Variants in ARFGEF3 observed in about 807,000 individuals in gnomAD.
The protein encoded by ARFGEF3 is brefeldin A-inhibited guanine nucleotide-exchange protein 3.
ARFGEF3 carries 96 observed loss-of-function variants against 221.7 expected under a neutral mutation model. The ratio of observed to expected loss-of-function variants is 0.43; its 90% confidence interval spans 0.37 to 0.51. The LOEUF is 0.51. Ranked by LOEUF, ARFGEF3 falls within the 20% of genes least tolerant of loss-of-function variation. The pLI is 0.00. For missense variants in ARFGEF3, 2,410 were observed against 2,789.9 expected, an observed-to-expected ratio of 0.86 and a Z score of 3.07; for synonymous variants, 1,145 against 1,126.8, an observed-to-expected ratio of 1.02 and a Z score of -0.32.
chr6:138,313,337 A>G (rs1018867655), intron 25 of ARFGEF3, among the ~76,000 whole-genome samples: 14 of 152,012 alleles, frequency 9.2e-5, no homozygotes, highest in Non-Finnish European at 1.9e-4. Flanking sequence ...AGCCTCCTTC[A>G]TTTCTCCAAC....
At position 138,341,975 on chromosome 6, in the gene ARFGEF3, G is replaced by A. The variant is rs1277846220; in HGVS notation, c.*5489G>A. The A allele has an allele frequency of 6.6e-6, 1 of 152,138 alleles. No individual in the cohort carries two copies. The highest frequency in any genetic ancestry group is 1.5e-5 in the Non-Finnish European group (1 of 68,028). The allele number at this position is 152,138 out of a possible 1,614,324, so 9.4% of individuals were successfully genotyped here. A position where few individuals can be genotyped will look rare whatever the true frequency, so the allele number is the denominator to read the frequency against. Reference sequence around the variant, plus strand: ...AAGGGGTACCAGGGAGGAGAGAGTGGCTGACCACTTTAGTGACAAAACAGC... The same window carrying A: ...AAGGGGTACCAGGGAGGAGAGAGTGACTGACCACTTTAGTGACAAAACAGC... On this transcript the variant is annotated 3_prime_UTR_variant, in exon 34 of 34. Coordinates refer to ENST00000251691, the MANE Select transcript of ARFGEF3 (RefSeq NM_020340.5).
intron 2 of ARFGEF3, among the ~76,000 whole-genome samples, chr6:138,176,608 T>C (rs556704158): frequency 2.1e-4 from 32 of 152,322 alleles, no homozygotes; most frequent in African/African-American, 7.7e-4. Flanking sequence ...TTTAGATTCT[T>C]TGTTTTTTTC....
At chr6:138,289,436 A>T (rs529566361) in intron 17 of ARFGEF3, among the ~76,000 whole-genome samples, 1 of 152,366 alleles carries the variant, frequency 6.6e-6, no homozygotes, top group South Asian at 2.1e-4. Flanking sequence ...AACTTGCAGA[A>T]AGCCAGGAAT....
intron 17 of ARFGEF3, among the ~76,000 whole-genome samples, chr6:138,288,888 G>C (rs1369953672): frequency 6.6e-6 from 1 of 152,166 alleles, no homozygotes; most frequent in Non-Finnish European, 1.5e-5. Context: ...GTTTGGCCTT[G>C]CCTTAGCATT....
chr6:138,207,466 C>G (rs967321633), intron 3 of ARFGEF3, among the ~76,000 whole-genome samples: 2 of 152,146 alleles, frequency 1.3e-5, no homozygotes, highest in African/African-American at 2.4e-5. Context: ...ATCTTGTATA[C>G]TTTCAACATC....
Position 138,278,433 on chromosome 6 carries a change from C to T in ARFGEF3, c.2129-18C>T, listed in dbSNP as rs1779136830. ...ACACTGTTCACACCCCCAAAAGTCC[C>T]TTCATTGTCTCCCTTAGGCATGATG... On this transcript the variant is annotated intron_variant, in intron 12 of 33. Coordinates refer to ENST00000251691, the MANE Select transcript of ARFGEF3 (RefSeq NM_020340.5). The T allele has an allele frequency of 6.2e-7, 1 of 1,612,044 alleles. No individual in the cohort carries two copies. Among genetic ancestry groups the T allele is most frequent in the East Asian group, 2.2e-5 (1 of 44,860 alleles).
At chr6:138,315,610 G>A (rs931830969) in intron 26 of ARFGEF3, among the ~76,000 whole-genome samples, 1 of 152,150 alleles carries the variant, frequency 6.6e-6, no homozygotes, top group Non-Finnish European at 1.5e-5. Flanking sequence ...CCAACACTTT[G>A]GGAGGCCGAG....
chr6:138,170,570 C>G (rs1776808261), intron 1 of ARFGEF3, 92 bp from the exon 2 acceptor site: 2 of 694,208 alleles, frequency 2.9e-6, no homozygotes, highest in Non-Finnish European at 5.0e-6. Context: ...TAGAGGAATT[C>G]CTGAAAAGAG....
chr6:138,323,113 T>C (rs922970133), intron 29 of ARFGEF3, among the ~76,000 whole-genome samples: 2 of 152,100 alleles, frequency 1.3e-5, no homozygotes, highest in Non-Finnish European at 2.9e-5. Context: ...ATATATGCAG[T>C]CTTGCATACA....
chr6:138,327,936 C>G, intron 31 of ARFGEF3, 85 bp from the exon 32 acceptor site: 1 of 1,142,406 alleles, frequency 8.8e-7, no homozygotes, highest in Non-Finnish European at 1.2e-6. Flanking sequence ...TGAGGCTCAA[C>G]TTGCCCAGGG....
chr6:138,223,703 C>T (rs1170428808), intron 4 of ARFGEF3, among the ~76,000 whole-genome samples: 3 of 152,074 alleles, frequency 2.0e-5, no homozygotes, highest in Admixed American at 6.6e-5. Flanking sequence ...TTTGATGGTA[C>T]CCTTTTCTTT....
chr6:138,264,751 T>C (rs1778855547), intron 12 of ARFGEF3, among the ~76,000 whole-genome samples: 1 of 152,118 alleles, frequency 6.6e-6, no homozygotes, highest in African/African-American at 2.4e-5. Context: ...CATGAAAAAA[T>C]TGTAGCCCAG....
intron 2 of ARFGEF3, among the ~76,000 whole-genome samples, chr6:138,180,463 C>T (rs977904671): frequency 2.0e-5 from 3 of 152,150 alleles, no homozygotes; most frequent in Non-Finnish European, 4.4e-5. Flanking sequence ...AAACTCATCT[C>T]GAGTCTCCTT....
chr6:138,330,714 T>C (rs1365982779), intron 32 of ARFGEF3, among the ~76,000 whole-genome samples: 2 of 146,924 alleles, frequency 1.4e-5, no homozygotes, highest in Non-Finnish European at 2.9e-5. Flanking sequence ...CAGGTCAGTT[T>C]GATTAATATA....
intron 4 of ARFGEF3, among the ~76,000 whole-genome samples, chr6:138,229,490 T>C (rs918958950): frequency 6.6e-6 from 1 of 152,258 alleles, no homozygotes; most frequent in African/African-American, 2.4e-5. Context: ...AGGTTTTTGC[T>C]GTTACTGGAC....
chr6:138,261,552 G>A lies in ARFGEF3; in HGVS notation c.1130G>A (p.Cys377Tyr). Residue 377 changes from cysteine to tyrosine, a missense_variant, in exon 11 of 34, where the codon TGT (cysteine) becomes TAT (tyrosine). By Grantham distance (194) the Cys-to-Tyr change is radical. This residue lies in a region of ARFGEF3 where 570 missense variants were observed against 586.9 expected (regional missense o/e 0.97). Transcript: ENST00000251691. ...KEILGSPQRL[C>Y]DLAGPSSTES... ...ATACTTGGGAGCCCACAGCGTCTCT[G>A]TGACTTGGCAGGACCCAGCTCCACT... The A allele has an allele frequency of 6.3e-7, 1 of 1,576,956 alleles. No homozygotes were observed. Among genetic ancestry groups the A allele is most frequent in the Non-Finnish European group, 8.6e-7 (1 of 1,160,118 alleles).
chr6:138,169,338 A>C (rs1201248636), intron 1 of ARFGEF3, among the ~76,000 whole-genome samples: 1 of 152,130 alleles, frequency 6.6e-6, no homozygotes, highest in Non-Finnish European at 1.5e-5. Context: ...GTCTCACTGC[A>C]CTTAGAGCTG....
chr6:138,223,801 A>G (rs993043968), intron 4 of ARFGEF3, among the ~76,000 whole-genome samples: 2 of 152,162 alleles, frequency 1.3e-5, no homozygotes, highest in Non-Finnish European at 2.9e-5. Flanking sequence ...CTTGTGTATC[A>G]TGTGTTGGAC....
intron 3 of ARFGEF3, 147 bp from the exon 4 acceptor site, chr6:138,209,763 C>CG: frequency 1.0e-6 from 1 of 966,754 alleles, no homozygotes; most frequent in African/African-American, 1.6e-5. Flanking sequence ...TTCTTTTTAA[C>CG]GGCACATAGC....
Sources: gnomAD v4.1 joint callset for allele counts (sites outside exome capture counted in the v4.1 genomes callset) on GRCh38, gnomAD v4.1.1 for gene constraint, gnomAD v4.1.1 regional missense constraint, MANE v1.5 for transcripts, NCBI Gene and HGNC (gene_info 2026-07-23, HGNC 2026-07-21) for gene names.